The following PKHD1L1 variants were observed in gnomAD, a reference collection of about 807,000 sequenced individuals.
PKHD1L1 encodes the protein fibrocystin-L.
In PKHD1L1, 434 loss-of-function variants were observed where a neutral mutation model predicts 462.9. The ratio of observed to expected loss-of-function variants is 0.94; its 90% confidence interval spans 0.87 to 1.02. The LOEUF is 1.02. PKHD1L1 is among the 50% of genes least tolerant of loss of function. The probability of loss-of-function intolerance (pLI) is 0.00; values close to 1 mark genes in which losing one functional copy is unlikely to be tolerated. For synonymous variants in PKHD1L1, 1,781 were observed against 1,750.0 expected, an observed-to-expected ratio of 1.02 and a Z score of -0.44; for missense variants, 5,202 against 5,096.1, an observed-to-expected ratio of 1.02 and a Z score of -0.63.
At chr8:109,369,701 C>T (rs1242183704) in intron 2 of PKHD1L1, among the ~76,000 whole-genome samples, 1 of 151,920 alleles carries the variant, frequency 6.6e-6, no homozygotes, top group Non-Finnish European at 1.5e-5. Context: ...TAGTTGGTTG[C>T]CAGGAGCTCT....
intron 75 of PKHD1L1, 141 bp downstream of exon 75, chr8:109,523,031 T>C (rs1820632609): frequency 9.4e-7 from 1 of 1,061,532 alleles, no homozygotes; most frequent in Non-Finnish European, 1.3e-6. Flanking sequence ...TATCCAAGGA[T>C]ACCATCTTGT....
chr8:109,366,311 C>A (rs1251528380), intron 2 of PKHD1L1, among the ~76,000 whole-genome samples: 1 of 152,202 alleles, frequency 6.6e-6, no homozygotes, highest in Non-Finnish European at 1.5e-5. Context: ...TTCCCGATTT[C>A]TCTTACAGTC....
chr8:109,435,076 T>C, intron 28 of PKHD1L1, 114 bp from the exon 29 acceptor site: 1 of 1,073,564 alleles, frequency 9.3e-7, no homozygotes, highest in South Asian at 1.6e-5. Flanking sequence ...TTTCTTTGGA[T>C]ATACTTCGTG....
At chr8:109,414,961 C>CATCATT (rs72368421) in intron 21 of PKHD1L1, among the ~76,000 whole-genome samples, 6 of 140,672 alleles carry the variant, frequency 4.3e-5, no homozygotes, top group South Asian at 2.3e-4. Context: ...ATCATCCCAA[C>CATCATT]ATTATTATTA....
chr8:109,449,245 C>T, intron 39 of PKHD1L1, 93 bp from the exon 40 acceptor site: 2 of 1,262,030 alleles, frequency 1.6e-6, no homozygotes, highest in African/African-American at 1.5e-5. Flanking sequence ...ATGTAACTTA[C>T]TTTTAACATT....
intron 2 of PKHD1L1, among the ~76,000 whole-genome samples, 187 bp downstream of exon 2, chr8:109,364,823 A>G (rs1225194793): frequency 3.3e-5 from 5 of 152,176 alleles, no homozygotes; most frequent in Non-Finnish European, 7.3e-5. Flanking sequence ...TATCAACCTG[A>G]TCATCTGAAT....
intron 71 of PKHD1L1, among the ~76,000 whole-genome samples, chr8:109,514,926 C>A (rs986784910): frequency 6.6e-6 from 1 of 151,996 alleles, no homozygotes; most frequent in African/African-American, 2.4e-5. Flanking sequence ...CAGAGATACT[C>A]CTCTAATAAT....
At chr8:109,505,231 A>G (rs184484259) in intron 68 of PKHD1L1, among the ~76,000 whole-genome samples, 17 of 152,064 alleles carry the variant, frequency 1.1e-4, no homozygotes, top group South Asian at 4.2e-4. Context: ...TAGATAAGAG[A>G]TATCTCTTAT....
At chr8:109,425,267 G>A (rs371160273) in intron 24 of PKHD1L1, 35 bp downstream of exon 24, 160 of 1,507,790 alleles carry the variant, frequency 1.1e-4, no homozygotes, top group East Asian at 4.0e-4. Flanking sequence ...TGGTGTATAC[G>A]CACACACATA....
rs763651480 is a variant in PKHD1L1 at position 109,441,991 on chromosome 8, C to T, written c.4205-16C>T. The T allele has an allele frequency of 5.9e-6, 9 of 1,531,494 alleles. No homozygotes were observed. The Admixed American group carries it at 2.0e-4, about 34-fold the overall frequency. The allele number at this position is 1,531,494 out of a possible 1,614,324, so 94.9% of individuals were successfully genotyped here. ...TCTCTTTTTCTTTTAAAATATTACT[C>T]AATTCTTGCCCCCAGTACATGGATT... is the stretch of plus-strand genomic sequence containing the variant. On this transcript the variant is annotated splice_polypyrimidine_tract_variant and intron_variant, in intron 34 of 77. Transcript: ENST00000378402.
chr8:109,520,890 A>G (rs1820518945), intron 73 of PKHD1L1, among the ~76,000 whole-genome samples: 1 of 152,168 alleles, frequency 6.6e-6, no homozygotes, highest in Non-Finnish European at 1.5e-5. Context: ...GAACCTGTTA[A>G]CAGTGCAGAC....
chr8:109,534,773 C>G lies in PKHD1L1; in HGVS notation c.*4683C>G, dbSNP rs374276097. Among the ~76,000 whole-genome samples, 87 of 152,308 alleles carry G rather than the reference C, an allele frequency of 5.7e-4. 1 individual carries two copies. The highest frequency in any genetic ancestry group is 2.1e-3 in the African/African-American group (87 of 41,570). Reference sequence around the variant, plus strand: ...TGTGGGCAGTCTAACCAGCTACAAACCTCTTGTTGCCGTACTTGCAAGTCC... The same window carrying G: ...TGTGGGCAGTCTAACCAGCTACAAAGCTCTTGTTGCCGTACTTGCAAGTCC... On this transcript the variant is annotated 3_prime_UTR_variant, in exon 78 of 78. Transcript: ENST00000378402.
chr8:109,403,608 T>C (rs1330635945), intron 14 of PKHD1L1, among the ~76,000 whole-genome samples: 1 of 152,160 alleles, frequency 6.6e-6, no homozygotes, highest in Non-Finnish European at 1.5e-5. Flanking sequence ...GTGTTGGTCA[T>C]CTCAAGTCAG....
chr8:109,516,253 TTGAGTGG>T (rs1227806202), intron 72 of PKHD1L1, among the ~76,000 whole-genome samples: 1 of 152,064 alleles, frequency 6.6e-6, no homozygotes, highest in Non-Finnish European at 1.5e-5. Flanking sequence ...ATACCACAAA[TTGAGTGG>T]CTCAAACAAC....
intron 21 of PKHD1L1, among the ~76,000 whole-genome samples, chr8:109,415,262 T>A (rs752434310): frequency 8.6e-5 from 13 of 151,766 alleles, no homozygotes; most frequent in Non-Finnish European, 1.0e-4. Context: ...TAGGCCTCCC[T>A]CCCAAAGTCC....
intron 63 of PKHD1L1, among the ~76,000 whole-genome samples, chr8:109,496,268 C>G (rs536954653): frequency 6.6e-6 from 1 of 151,962 alleles, no homozygotes; most frequent in Non-Finnish European, 1.5e-5. Context: ...ATAAAAATAT[C>G]AAGTGAAAGG....
At chr8:109,466,127 C>T (rs1353999323) in intron 49 of PKHD1L1, among the ~76,000 whole-genome samples, 1 of 152,120 alleles carries the variant, frequency 6.6e-6, no homozygotes, top group South Asian at 2.1e-4. Flanking sequence ...CAAGTATAAT[C>T]GTAACTTTAA....
chr8:109,448,142 G>C lies in PKHD1L1; in HGVS notation c.5777-1G>C. ...TATTGTGTGCTTTTTTTTTTTTTAA[G>C]GTCCACCAGGAACTGAAATTGAGAT... On this transcript the variant is annotated splice_acceptor_variant, in intron 38 of 77. Transcript: ENST00000378402. LOFTEE classifies it high-confidence loss of function. 6.3e-7 allele frequency: 1 copy of C among 1,577,444 alleles called. No individual in the cohort carries two copies. Among genetic ancestry groups the C allele is most frequent in the Middle Eastern group, 1.7e-4 (1 of 5,894 alleles).
intron 12 of PKHD1L1, among the ~76,000 whole-genome samples, chr8:109,399,639 T>A (rs1012810713): frequency 2.0e-5 from 3 of 152,136 alleles, no homozygotes; most frequent in Admixed American, 6.6e-5. Flanking sequence ...TTAATGGCTT[T>A]GTAAGCCATT....
Sources: gnomAD v4.1 joint callset for allele counts (sites outside exome capture counted in the v4.1 genomes callset) on GRCh38, gnomAD v4.1.1 for gene constraint, MANE v1.5 for transcripts, NCBI Gene and HGNC (gene_info 2026-07-23, HGNC 2026-07-21) for gene names.